The following CSMD1 variants were observed in gnomAD, a reference collection of about 807,000 sequenced individuals.
CSMD1 encodes the protein CUB and sushi domain-containing protein 1.
In CSMD1, 213 loss-of-function variants were observed where a neutral mutation model predicts 417.5. The ratio of observed to expected loss-of-function variants is 0.51; its 90% confidence interval spans 0.46 to 0.57. CSMD1 has a LOEUF of 0.57. Ranked by LOEUF, CSMD1 falls within the 20% of genes least tolerant of loss-of-function variation. The pLI is 0.00. For synonymous variants in CSMD1, 2,862 were observed against 1,736.8 expected, an observed-to-expected ratio of 1.65 and a Z score of -16.11; for missense variants, 6,923 against 4,529.7, an observed-to-expected ratio of 1.53 and a Z score of -15.17.
chr8:3,485,519 A>G lies in CSMD1; in HGVS notation c.1448+8104T>C, dbSNP rs970808735. Among the ~76,000 whole-genome samples the G allele has an allele frequency of 3.2e-5, 4 of 123,114 alleles. No individual in the cohort carries two copies. In the East Asian group the frequency reaches 8.5e-4, roughly 26 times the overall value. 80.8% of individuals were successfully genotyped at this position (123,114 alleles called of 152,430 possible). A position where few individuals can be genotyped will look rare whatever the true frequency, so the allele number is the denominator to read the frequency against. ...AGGTAGTGAAATTGTATAGAACTTC[A>G]TAACAATACACACACACACAGAGAG... On this transcript the variant is annotated intron_variant, in intron 11 of 69. Transcript: ENST00000635120.
rs1803638722 is a variant in CSMD1 at position 4,139,406 on chromosome 8, G to C, written c.416-107307C>G. ...GAGCTGCTTTTAAGTGAACATTGCT[G>C]TGCTAAGCACTGGAGGTAAAGAACG... On this transcript the variant is annotated intron_variant, in intron 3 of 69. Coordinates refer to ENST00000635120, the MANE Select transcript of CSMD1 (RefSeq NM_033225.6). 1.3e-5 allele frequency among the ~76,000 whole-genome samples: 2 copies of C among 152,086 alleles called. 1 individual carries two copies. Among genetic ancestry groups the C allele is most frequent in the African/African-American group, 4.8e-5 (2 of 41,350 alleles).
intron 1 of CSMD1, among the ~76,000 whole-genome samples, chr8:4,883,911 T>A (rs1011676975): frequency 2.0e-5 from 3 of 152,084 alleles, no homozygotes; most frequent in African/African-American, 7.3e-5. Context: ...ACTGCCAGAC[T>A]GTTTTCCAAA....
intron 2 of CSMD1, among the ~76,000 whole-genome samples, chr8:4,475,263 C>T (rs1171001547): frequency 6.6e-6 from 1 of 152,176 alleles, no homozygotes; most frequent in African/African-American, 2.4e-5. Context: ...CTCTCTCACT[C>T]CATTTCTATA....
rs530061255 is a variant in CSMD1, at chr8:3,101,799, CTTT to C, written c.6949+4726_6949+4728del. Among the ~76,000 whole-genome samples, 221 of 106,348 alleles carry C rather than the reference CTTT, an allele frequency of 2.1e-3. 4 individuals carry two copies. The East Asian group carries it at 0.041, about 20-fold the overall frequency. The allele number at this position is 106,348 out of a possible 152,430, so 69.8% of individuals were successfully genotyped here. A position where few individuals can be genotyped will look rare whatever the true frequency, so the allele number is the denominator to read the frequency against. ...GTGATAATTTTGTTTCTTTCTTTTT[CTTT>C]TTTTTTTTTTTTTTTTTTAGACAGA... On this transcript the variant is annotated intron_variant, in intron 46 of 69. Coordinates refer to ENST00000635120, the MANE Select transcript of CSMD1 (RefSeq NM_033225.6).
intron 1 of CSMD1, among the ~76,000 whole-genome samples, chr8:4,960,040 A>G (rs535618862): frequency 5.1e-4 from 78 of 152,296 alleles, no homozygotes; most frequent in Non-Finnish European, 9.6e-4. Flanking sequence ...TGTAGCCTTC[A>G]CAGTTACTCA....
chr8:3,444,741 A>T (rs906078692), intron 12 of CSMD1, among the ~76,000 whole-genome samples: 3 of 152,242 alleles, frequency 2.0e-5, no homozygotes, highest in Non-Finnish European at 2.9e-5. Context: ...GTAATGTAAT[A>T]AACTGAAAAG....
chr8:4,920,188 T>G (rs1806341017), intron 1 of CSMD1, among the ~76,000 whole-genome samples: 1 of 152,126 alleles, frequency 6.6e-6, no homozygotes, highest in South Asian at 2.1e-4. Flanking sequence ...TCTAAGAGTC[T>G]TATGCTAATG....
intron 7 of CSMD1, among the ~76,000 whole-genome samples, chr8:3,637,666 A>T (rs1317238682): frequency 6.6e-6 from 1 of 152,220 alleles, no homozygotes; most frequent in African/African-American, 2.4e-5. Context: ...CCCAACAATC[A>T]TATGAAACAG....
intron 3 of CSMD1, among the ~76,000 whole-genome samples, chr8:4,235,638 C>G (rs759172728): frequency 4.6e-5 from 7 of 152,132 alleles, no homozygotes; most frequent in Admixed American, 1.3e-4. Flanking sequence ...TACTGAGGAC[C>G]TGAAATGCAT....
intron 5 of CSMD1, among the ~76,000 whole-genome samples, chr8:3,777,109 G>T (rs537138648): frequency 8.8e-6 from 1 of 113,066 alleles, no homozygotes; most frequent in Admixed American, 1.1e-4. Context: ...GTCTATATTA[G>T]CTATCTATAC....
chr8:4,199,152 G>A (rs1265243104), intron 3 of CSMD1, among the ~76,000 whole-genome samples: 5 of 152,100 alleles, frequency 3.3e-5, no homozygotes, highest in South Asian at 2.1e-4. Flanking sequence ...ACTGCAGAAC[G>A]TATCCAGCAC....
rs28391385 is a variant in CSMD1, at chr8:3,558,721, G to T, written c.1344+16224C>A. On this transcript the variant is annotated intron_variant, in intron 10 of 69. Transcript: ENST00000635120. ...TCCCGCAATGATGAATAGTGCTTCA[G>T]TAGTACCCCGTGTTCACTCCTCCAA... 3.5e-4 allele frequency among the ~76,000 whole-genome samples: 49 copies of T among 138,568 alleles called. 1 individual carries two copies. The highest frequency in any genetic ancestry group is 3.0e-3 in the Admixed American group (42 of 14,006). The allele number at this position is 138,568 out of a possible 152,430, so 90.9% of individuals were successfully genotyped here.
At chr8:3,120,391 C>T (rs187315866) in intron 41 of CSMD1, among the ~76,000 whole-genome samples, 3 of 152,274 alleles carry the variant, frequency 2.0e-5, no homozygotes, top group African/African-American at 4.8e-5. Flanking sequence ...GGGCCTACAG[C>T]GTGGCCTTGG....
Position 4,829,902 on chromosome 8 carries a change from A to G in CSMD1, c.85+164430T>C, listed in dbSNP as rs181831186. 3.3e-5 allele frequency among the ~76,000 whole-genome samples: 5 copies of G among 152,278 alleles called. No individual in the cohort carries two copies. The East Asian group carries it at 9.7e-4, about 29-fold the overall frequency. On this transcript the variant is annotated intron_variant, in intron 1 of 69. Transcript: ENST00000635120. Reference sequence around the variant, plus strand: ...TACTTTGAATGAGTCCTTATAGGTAATGCCACCGTTGCCCTGTTTAGAGGC... The same window carrying G: ...TACTTTGAATGAGTCCTTATAGGTAGTGCCACCGTTGCCCTGTTTAGAGGC...
chr8:4,316,844 C>G (rs1025449778), intron 3 of CSMD1, among the ~76,000 whole-genome samples: 1 of 152,090 alleles, frequency 6.6e-6, no homozygotes, highest in Admixed American at 6.6e-5. Context: ...TAATTGGTAG[C>G]TGCTTCTATT....
chr8:3,662,765 C>G (rs1798484593), intron 7 of CSMD1, among the ~76,000 whole-genome samples: 1 of 151,996 alleles, frequency 6.6e-6, no homozygotes, highest in African/African-American at 2.4e-5. Context: ...CGCATGTTCT[C>G]ACTCATAAGT....
chr8:4,629,358 G>T lies in CSMD1; in HGVS notation c.302+7984C>A, dbSNP rs1159777128. Among the ~76,000 whole-genome samples, 6 of 152,218 alleles carry T rather than the reference G, an allele frequency of 3.9e-5. 2 individuals carry two copies. Among genetic ancestry groups the T allele is most frequent in the African/African-American group, 1.4e-4 (6 of 41,540 alleles). On this transcript the variant is annotated intron_variant, in intron 2 of 69. Coordinates refer to ENST00000635120, the MANE Select transcript of CSMD1 (RefSeq NM_033225.6). ...TGTGAAGGTATGCCCATTCAGAATG[G>T]CGAGCTATCATACTGCATTGTTTTA...
At chr8:3,746,655 CTT>C (rs1235403428) in intron 6 of CSMD1, among the ~76,000 whole-genome samples, 30 of 151,982 alleles carry the variant, frequency 2.0e-4, no homozygotes, top group South Asian at 4.1e-4. Flanking sequence ...AATTTATTCT[CTT>C]GTTTCAACAT....
intron 20 of CSMD1, among the ~76,000 whole-genome samples, chr8:3,361,923 T>C (rs2938239): frequency 0.013 from 1,949 of 152,282 alleles, 28 homozygotes; most frequent in Non-Finnish European, 0.018. Context: ...GATTCTCTTA[T>C]ATTAATTATC....
Sources: allele counts gnomAD v4.1 joint callset (sites outside exome capture counted in the v4.1 genomes callset), GRCh38; gene constraint gnomAD v4.1.1; transcripts MANE v1.5; gene names NCBI Gene and HGNC (gene_info 2026-07-23, HGNC 2026-07-21).